Variants in NFATC2 observed in about 807,000 individuals in gnomAD.
The protein encoded by NFATC2 is nuclear factor of activated T-cells, cytoplasmic 2.
In NFATC2, 22 loss-of-function variants were observed where a neutral mutation model predicts 87.3. The observed-to-expected ratio is 0.25, with a 90% confidence interval of 0.18 to 0.36. The LOEUF is 0.36. Ranked by LOEUF, NFATC2 falls within the 10% of genes least tolerant of loss-of-function variation. The probability of loss-of-function intolerance (pLI) is 1.00; values close to 1 mark genes in which losing one functional copy is unlikely to be tolerated. For missense variants in NFATC2, 1,149 were observed against 1,259.1 expected, an observed-to-expected ratio of 0.91 and a Z score of 1.32; for synonymous variants, 565 against 542.2, an observed-to-expected ratio of 1.04 and a Z score of -0.58.
At chr20:51,510,173 A>AT (rs1442677167) in intron 3 of NFATC2, among the ~76,000 whole-genome samples, 1 of 152,194 alleles carries the variant, frequency 6.6e-6, no homozygotes, top group Non-Finnish European at 1.5e-5. Context: ...TAAGAATAAC[A>AT]TTTTTTGAAA....
rs756674415 is a variant in NFATC2 at position 51,387,362 on chromosome 20, G to A, written c.*4134C>T. On this transcript the variant is annotated 3_prime_UTR_variant, in exon 11 of 11. Transcript: ENST00000371564. ...TCCATTCAAAGCTTGAACTCAGCAG[G>A]GAGTTTATTCTGGTCAGCCAACAGC... is the stretch of plus-strand genomic sequence containing the variant. The A allele has an allele frequency of 7.2e-5, 11 of 152,186 alleles. No homozygotes were observed. Among genetic ancestry groups the A allele is most frequent in the Non-Finnish European group, 1.6e-4 (11 of 68,046 alleles). 9.4% of individuals were successfully genotyped at this position (152,186 alleles called of 1,614,324 possible).
intron 1 of NFATC2, among the ~76,000 whole-genome samples, chr20:51,535,814 C>T (rs1379825599): frequency 6.6e-6 from 1 of 152,202 alleles, no homozygotes; most frequent in Non-Finnish European, 1.5e-5. Flanking sequence ...TTGATAAGGA[C>T]CTTCATAAAT....
At chr20:51,510,157 G>T (rs1317378202) in intron 3 of NFATC2, among the ~76,000 whole-genome samples, 2 of 150,654 alleles carry the variant, frequency 1.3e-5, no homozygotes, top group Non-Finnish European at 2.9e-5. Context: ...GCATCCCAGA[G>T]AGTTGTAAGA....
intron 3 of NFATC2, among the ~76,000 whole-genome samples, chr20:51,497,640 A>G (rs2146610675): frequency 6.6e-6 from 1 of 152,228 alleles, no homozygotes; most frequent in African/African-American, 2.4e-5. Context: ...GCCTTCCACC[A>G]AAGCAGATCC....
intron 3 of NFATC2, among the ~76,000 whole-genome samples, chr20:51,486,177 C>T (rs936979129): frequency 6.6e-6 from 1 of 151,966 alleles, no homozygotes; most frequent in East Asian, 1.9e-4. Flanking sequence ...TGCCACTGCA[C>T]TCCAGCCTGG....
chr20:51,396,276 C>T (rs1987128351), intron 10 of NFATC2, among the ~76,000 whole-genome samples: 1 of 151,990 alleles, frequency 6.6e-6, no homozygotes, highest in Non-Finnish European at 1.5e-5. Flanking sequence ...CATGTACTTT[C>T]TCCTCCTTCC....
At chr20:51,561,568 T>TCCCCCC (rs113481949) in intron 1 of NFATC2, among the ~76,000 whole-genome samples, 47 of 126,656 alleles carry the variant, frequency 3.7e-4, no homozygotes, top group Admixed American at 1.2e-3. Context: ...TGTCATTTCT[T>TCCCCCC]CCCCCCCCCA....
intron 9 of NFATC2, among the ~76,000 whole-genome samples, chr20:51,401,320 A>G (rs1476172725): frequency 6.6e-6 from 1 of 152,116 alleles, no homozygotes; most frequent in Non-Finnish European, 1.5e-5. Flanking sequence ...CCTAGGCAAC[A>G]GAGCAAGACT....
At position 51,388,962 on chromosome 20, in the gene NFATC2, A is replaced by G. The variant is rs1986050587; in HGVS notation, c.*2534T>C. 6.6e-6 allele frequency: 1 copy of G among 152,224 alleles called. No homozygotes were observed. Among genetic ancestry groups the G allele is most frequent in the African/African-American group, 2.4e-5 (1 of 41,448 alleles). 9.4% of individuals were successfully genotyped at this position (152,224 alleles called of 1,614,324 possible). On this transcript the variant is annotated 3_prime_UTR_variant, in exon 11 of 11. Coordinates refer to ENST00000371564, the MANE Select transcript of NFATC2 (RefSeq NM_012340.5). The stretch of plus-strand genomic sequence containing the variant: ...ATCCTTCTTGGCAAAATTTCCTCCT[A>G]GCATTTGTAACTGACAAAACTTCCT...
chr20:51,553,662 C>T lies in NFATC2; in HGVS notation c.70+8898G>A, dbSNP rs552435398. On this transcript the variant is annotated intron_variant, in intron 1 of 10. Transcript: ENST00000414705. ...CTGCACTCCAGCCTGGGCGACAGAGCAAGACTCCATCTCAAAAAAAAAAAA... is the reference window on the plus strand; with the variant it reads ...CTGCACTCCAGCCTGGGCGACAGAGTAAGACTCCATCTCAAAAAAAAAAAA... Among the ~76,000 whole-genome samples the T allele has an allele frequency of 1.1e-4, 12 of 110,214 alleles. No individual in the cohort carries two copies. The East Asian group carries it at 1.9e-3, about 18-fold the overall frequency. 72.3% of individuals were successfully genotyped at this position (110,214 alleles called of 152,430 possible). A position where few individuals can be genotyped will look rare whatever the true frequency, so the allele number is the denominator to read the frequency against.
At chr20:51,412,985 C>T (rs1231751911) in intron 9 of NFATC2, among the ~76,000 whole-genome samples, 9 of 33,758 alleles carry the variant, frequency 2.7e-4, no homozygotes, top group African/African-American at 1.3e-3. Flanking sequence ...CCCCCATCCC[C>T]CGCTCCCGCC....
chr20:51,542,219 G>T, intron 1 of NFATC2, 151 bp downstream of exon 1: 1 of 961,928 alleles, frequency 1.0e-6, no homozygotes, highest in Non-Finnish European at 1.4e-6. Context: ...GGCCACTGAC[G>T]CCTCCCCTCC....
rs751513686 is a variant in NFATC2 at position 51,432,663 on chromosome 20, G to A, written c.2126C>T (p.Pro709Leu). 23 of 1,563,522 alleles carry A rather than the reference G, an allele frequency of 1.5e-5. No individual in the cohort carries two copies. The highest frequency in any genetic ancestry group is 2.0e-5 in the Non-Finnish European group (23 of 1,161,130). Residue 709 changes from proline (P) to leucine (L), a missense_variant, in exon 9 of 11, where the codon CCC (proline) becomes CTC (leucine). Around this residue, in one of 3 missense-constraint regions of NFATC2, gnomAD observed 581 missense variants for 649.7 expected, o/e 0.89. Transcript: ENST00000371564. This position sits in a 1 kb window ranked among gnomAD's most constrained non-coding sequence, Gnocchi z 4.6. ...HGGLGSQPYY[P>L]QHPMVAESPS... is the part of the protein sequence containing the mutation. Reference sequence around the variant, plus strand: ...GGACTCGGCCACCATCGGGTGCTGGGGGTAGTAAGGCTGGCTCCCCAGGCC... The same window carrying A: ...GGACTCGGCCACCATCGGGTGCTGGAGGTAGTAAGGCTGGCTCCCCAGGCC...
chr20:51,413,940 GAAGA>G (rs1330105665), intron 9 of NFATC2, among the ~76,000 whole-genome samples: 5 of 152,192 alleles, frequency 3.3e-5, no homozygotes, highest in Admixed American at 6.5e-5. Context: ...CAAAGTCTTA[GAAGA>G]ATGTCTGGTA....
chr20:51,469,363 A>T (rs778174308), intron 5 of NFATC2, among the ~76,000 whole-genome samples: 2 of 152,180 alleles, frequency 1.3e-5, no homozygotes, highest in Non-Finnish European at 2.9e-5. Flanking sequence ...TCTAACATAC[A>T]GTCAAGTTTG....
intron 9 of NFATC2, among the ~76,000 whole-genome samples, chr20:51,417,947 C>T (rs1367307485): frequency 2.6e-5 from 4 of 152,224 alleles, no homozygotes; most frequent in Admixed American, 6.5e-5. Context: ...CTGGTACCCG[C>T]GGGGCACCGG....
rs539588832 is a variant in NFATC2, at chr20:51,389,880, A to T, written c.*1616T>A. 2.6e-5 allele frequency: 4 copies of T among 152,324 alleles called. No homozygotes were observed. Among genetic ancestry groups the T allele is most frequent in the African/African-American group, 9.6e-5 (4 of 41,572 alleles). The allele number at this position is 152,324 out of a possible 1,614,324, so 9.4% of individuals were successfully genotyped here. A position where few individuals can be genotyped will look rare whatever the true frequency, so the allele number is the denominator to read the frequency against. On this transcript the variant is annotated 3_prime_UTR_variant, in exon 11 of 11. Transcript: ENST00000371564. ...CCTACAGACTGTACAGACTGGACTGAGAAAACACTCTAAGTACAGTCTGAG... is the reference window on the plus strand; with the variant it reads ...CCTACAGACTGTACAGACTGGACTGTGAAAACACTCTAAGTACAGTCTGAG...
chr20:51,392,049 C>T (rs957891625), intron 10 of NFATC2, among the ~76,000 whole-genome samples: 6 of 152,188 alleles, frequency 3.9e-5, no homozygotes, highest in African/African-American at 1.4e-4. Context: ...TAACTTTCTC[C>T]TCTTCTGCAT....
intron 6 of NFATC2, among the ~76,000 whole-genome samples, chr20:51,448,052 T>C (rs1985291812): frequency 6.6e-6 from 1 of 152,208 alleles, no homozygotes; most frequent in African/African-American, 2.4e-5. Flanking sequence ...GAGCACCTGC[T>C]ATGTGCCGGG....
Sources: allele counts gnomAD v4.1 joint callset (sites outside exome capture counted in the v4.1 genomes callset), GRCh38; gene constraint gnomAD v4.1.1; regional missense constraint gnomAD v4.1.1; non-coding constraint Gnocchi (gnomAD v3.1); transcripts MANE v1.5; gene names NCBI Gene and HGNC (gene_info 2026-07-23, HGNC 2026-07-21).